ZWILCH: variants seen among roughly 807,000 people sequenced by gnomAD.
The protein encoded by ZWILCH is zwilch kinetochore protein.
Under a neutral mutation model 79.9 loss-of-function variants are expected in ZWILCH, and 74 were observed. The ratio of observed to expected loss-of-function variants is 0.93; its 90% CI spans 0.77 to 1.12. The LOEUF is 1.12. Among genes scored for constraint, ZWILCH ranks in the 50% most tolerant of loss-of-function variants. ZWILCH has a pLI of 0.00. For missense variants in ZWILCH, 694 were observed against 687.5 expected, an observed-to-expected ratio of 1.01 and a Z score of -0.11; for synonymous variants, 241 against 228.2, an observed-to-expected ratio of 1.06 and a Z score of -0.51.
At chr15:66,522,863 C>T (rs557945038) in intron 7 of ZWILCH, among the ~76,000 whole-genome samples, 1 of 151,230 alleles carries the variant, frequency 6.6e-6, no homozygotes, top group African/African-American at 2.4e-5. Flanking sequence ...CTTACTGTCA[C>T]CCAGGCTGGA....
At chr15:66,541,031 A>G (rs941601427) in intron 17 of ZWILCH, among the ~76,000 whole-genome samples, 1 of 151,018 alleles carries the variant, frequency 6.6e-6, no homozygotes, top group East Asian at 2.0e-4. Flanking sequence ...TAATCCCAGC[A>G]CTTTGGGAGG....
chr15:66,516,323 A>G (rs759876551), intron 4 of ZWILCH, among the ~76,000 whole-genome samples: 5 of 152,162 alleles, frequency 3.3e-5, no homozygotes, highest in African/African-American at 4.8e-5. Context: ...GTAGCTATGT[A>G]CAGTTCCCTC....
At chr15:66,519,404 A>G (rs1894408232) in intron 5 of ZWILCH, among the ~76,000 whole-genome samples, 2 of 152,134 alleles carry the variant, frequency 1.3e-5, no homozygotes, top group African/African-American at 4.8e-5. Flanking sequence ...ATTTAATTGT[A>G]TTTTTGGTAG....
chr15:66,535,827 C>G, intron 14 of ZWILCH, 106 bp from the exon 15 acceptor site: 1 of 883,062 alleles, frequency 1.1e-6, no homozygotes, highest in Non-Finnish European at 1.6e-6. Flanking sequence ...TTTTTAATGC[C>G]TGTTATCAAG....
chr15:66,532,260 G>A lies in ZWILCH; in HGVS notation c.1169G>A (p.Ser390Asn), dbSNP rs764969449. 5.0e-6 allele frequency: 8 copies of A among 1,590,706 alleles called. No homozygotes were observed. The highest frequency in any genetic ancestry group is 6.8e-6 in the Non-Finnish European group (8 of 1,171,580). The change falls in exon 13 of 19, where the codon AGT (serine) becomes AAT (asparagine). Residue 390 changes from serine to asparagine, a missense_variant. Physicochemically the swap from Ser to Asn is conservative, Grantham distance 46 (BLOSUM62 1). Transcript: ENST00000307897. ...CCTGATTTCTAGCTCCATAGTGGAAGTAACAGTTTACTAAGTAAGCTCATT... is the reference window on the plus strand; with the variant it reads ...CCTGATTTCTAGCTCCATAGTGGAAATAACAGTTTACTAAGTAAGCTCATT... The part of the protein sequence containing the change: ...GDIQPWLHSG[S>N]NSLLSKLIHQ...
chr15:66,543,129 T>C (rs1288782687), intron 17 of ZWILCH, among the ~76,000 whole-genome samples: 1 of 151,806 alleles, frequency 6.6e-6, no homozygotes, highest in Non-Finnish European at 1.5e-5. Context: ...ACTTTGGGAG[T>C]GGGGGGCTGC....
intron 1 of ZWILCH, chr15:66,505,703 A>G: frequency 2.4e-6 from 1 of 409,630 alleles, no homozygotes; most frequent in Non-Finnish European, 4.4e-6. Flanking sequence ...GGGATACGGA[A>G]AACTAGGTGT....
At chr15:66,541,640 TTAGC>T (rs1895195530) in intron 17 of ZWILCH, among the ~76,000 whole-genome samples, 1 of 152,186 alleles carries the variant, frequency 6.6e-6, no homozygotes, top group African/African-American at 2.4e-5. Context: ...CTTTGTGTAA[TTAGC>T]TAGCCTACCA....
intron 11 of ZWILCH, 84 bp downstream of exon 11, chr15:66,529,041 A>T: frequency 1.9e-6 from 2 of 1,064,288 alleles, no homozygotes; most frequent in South Asian, 2.9e-5. Flanking sequence ...AGTGTGTACC[A>T]CTAGTTTTGT....
At chr15:66,527,984 A>G (rs1894734943) in intron 10 of ZWILCH, 72 bp downstream of exon 10, 1 of 1,288,478 alleles carries the variant, frequency 7.8e-7, no homozygotes, top group South Asian at 1.4e-5. Context: ...GACATCTTTC[A>G]TGTTGTACCA....
intron 17 of ZWILCH, among the ~76,000 whole-genome samples, chr15:66,541,436 T>C (rs1349022601): frequency 6.6e-6 from 1 of 152,054 alleles, no homozygotes; most frequent in Admixed American, 6.6e-5. Flanking sequence ...CTAAAAGAGA[T>C]CAAGCAATAG....
intron 8 of ZWILCH, among the ~76,000 whole-genome samples, chr15:66,526,004 T>G (rs1248716610): frequency 6.6e-6 from 1 of 152,090 alleles, no homozygotes; most frequent in Non-Finnish European, 1.5e-5. Context: ...CCTCAAGTGA[T>G]CCACCTGTCT....
intron 17 of ZWILCH, among the ~76,000 whole-genome samples, chr15:66,545,872 G>C (rs909502349): frequency 6.6e-6 from 1 of 152,106 alleles, no homozygotes; most frequent in African/African-American, 2.4e-5. Flanking sequence ...TATTTCTTTG[G>C]ACTGAGCACT....
chr15:66,513,477 G>A (rs1230574805), intron 2 of ZWILCH, among the ~76,000 whole-genome samples: 2 of 151,910 alleles, frequency 1.3e-5, no homozygotes. Context: ...GAGATGGGAG[G>A]ATTGCTTGAG....
rs1203346760 is a variant in ZWILCH at position 66,515,580 on chromosome 15, G to A, written c.256G>A (p.Ala86Thr). Reference protein sequence around the residue: ...HIEELQSEETAISDFSTGENV... With the variant: ...HIEELQSEETTISDFSTGENV... Reference sequence around the variant, plus strand: ...TGAAGAACTTCAATCTGAAGAAACTGCCATATCTGATTTCTCTACTGGCGA... The same window carrying A: ...TGAAGAACTTCAATCTGAAGAAACTACCATATCTGATTTCTCTACTGGCGA... The change falls in exon 4 of 19, where the codon GCC becomes ACC. Residue 86 changes from alanine to threonine, a missense_variant. Coordinates refer to ENST00000307897, the MANE Select transcript of ZWILCH (RefSeq NM_017975.5). The A allele has an allele frequency of 6.2e-7, 1 of 1,613,160 alleles. No individual in the cohort carries two copies. The highest frequency in any genetic ancestry group is 2.2e-5 in the East Asian group (1 of 44,852).
chr15:66,517,726 CTTTTTTTTTTTTTT>C (rs1161719182), intron 4 of ZWILCH, among the ~76,000 whole-genome samples: 4 of 58,274 alleles, frequency 6.9e-5, no homozygotes, highest in South Asian at 8.9e-4. Context: ...CTTTTCTTTC[CTTTTTTTTTTTTTT>C]TTTTTTTTTT....
At chr15:66,515,444 A>G in intron 3 of ZWILCH, 82 bp from the exon 4 acceptor site, 1 of 855,880 alleles carries the variant, frequency 1.2e-6, no homozygotes, top group Non-Finnish European at 1.9e-6. Context: ...TCTACTTGTC[A>G]TTATTCTGTA....
intron 8 of ZWILCH, chr15:66,524,539 C>T (rs1392476221): frequency 6.6e-6 from 1 of 152,164 alleles, no homozygotes; most frequent in Non-Finnish European, 1.5e-5. Context: ...ATGCACTTCT[C>T]CCACCTCTTT....
At chr15:66,508,730 T>C in intron 1 of ZWILCH, 111 bp from the exon 2 acceptor site, 1 of 1,505,240 alleles carries the variant, frequency 6.6e-7, no homozygotes, top group South Asian at 1.3e-5. Context: ...GTACTTGCTT[T>C]TTGCCTTTCC....
Sources: allele counts gnomAD v4.1 joint callset (sites outside exome capture counted in the v4.1 genomes callset), GRCh38; gene constraint gnomAD v4.1.1; transcripts MANE v1.5; gene names NCBI Gene and HGNC (gene_info 2026-07-23, HGNC 2026-07-21).